The following KCNH4 variants were observed in gnomAD, a reference collection of about 807,000 sequenced individuals.
KCNH4 encodes potassium voltage-gated channel subfamily H member 4.
KCNH4 carries 33 observed loss-of-function variants against 90.7 expected under a neutral mutation model. That is an observed-to-expected ratio of 0.36 (90% CI 0.28 to 0.49). The LOEUF is 0.49. Among genes scored for constraint, KCNH4 ranks in the 20% least tolerant of loss-of-function variants. The probability of loss-of-function intolerance (pLI) is 0.98; values close to 1 mark genes in which losing one functional copy is unlikely to be tolerated. For synonymous variants in KCNH4, 551 were observed against 581.7 expected, an observed-to-expected ratio of 0.95 and a Z score of 0.76; for missense variants, 1,044 against 1,387.1, an observed-to-expected ratio of 0.75 and a Z score of 3.93.
At chr17:42,170,524 C>T (rs1448755014) in intron 7 of KCNH4, among the ~76,000 whole-genome samples, 2 of 152,222 alleles carry the variant, frequency 1.3e-5, no homozygotes, top group Non-Finnish European at 2.9e-5. Flanking sequence ...GCTCCTGAAA[C>T]TTTCTAATAG....
At chr17:42,172,536 A>AACACACACACACAC (rs55671197) in intron 6 of KCNH4, among the ~76,000 whole-genome samples, 2 of 136,740 alleles carry the variant, frequency 1.5e-5, no homozygotes, top group East Asian at 4.4e-4. Context: ...CTTATTTAAC[A>AACACACACACACAC]ACACACACAC....
chr17:42,176,371 G>A (rs1943762325), intron 4 of KCNH4, 74 bp from the exon 5 acceptor site: 1 of 1,419,108 alleles, frequency 7.0e-7, no homozygotes, highest in Non-Finnish European at 9.7e-7. Flanking sequence ...GAAAGGCAGG[G>A]GATGGGGAAA....
At chr17:42,176,664 G>A (rs975824796) in intron 4 of KCNH4, among the ~76,000 whole-genome samples, 8 of 149,562 alleles carry the variant, frequency 5.3e-5, no homozygotes, top group Middle Eastern at 3.5e-3. Flanking sequence ...CTGGGACTAC[G>A]GGAACATGCC....
chr17:42,172,060 C>T (rs1297594838), intron 6 of KCNH4, 65 bp from the exon 7 acceptor site: 9 of 1,374,230 alleles, frequency 6.5e-6, no homozygotes, highest in Non-Finnish European at 8.1e-6. Context: ...AGAGTCCCCT[C>T]CCAGGGCCTT....
intron 2 of KCNH4, 106 bp downstream of exon 2, chr17:42,178,686 GC>G (rs2079880129): frequency 8.5e-7 from 1 of 1,176,412 alleles, no homozygotes; most frequent in African/African-American, 1.5e-5. Context: ...GTCACAGTCA[GC>G]TTTTGGCAGT....
chr17:42,164,311 C>G, intron 11 of KCNH4, 143 bp from the exon 12 acceptor site: 2 of 696,710 alleles, frequency 2.9e-6, no homozygotes, highest in Non-Finnish European at 4.7e-6. Flanking sequence ...AACCCTAACT[C>G]AAACAAACAC....
chr17:42,174,835 C>A (rs1418252671), intron 6 of KCNH4, among the ~76,000 whole-genome samples: 4 of 152,130 alleles, frequency 2.6e-5, no homozygotes, highest in African/African-American at 9.7e-5. Flanking sequence ...TCTGAATTCA[C>A]CCCACAGCCT....
rs2079894903 is a variant in KCNH4 at position 42,180,631 on chromosome 17, C to A, written c.76+239G>T. Among the ~76,000 whole-genome samples the A allele has an allele frequency of 6.6e-6, 1 of 152,038 alleles. No homozygotes were observed. The highest frequency in any genetic ancestry group is 1.5e-5 in the Non-Finnish European group (1 of 68,000). On this transcript the variant is annotated intron_variant, in intron 1 of 16. Transcript: ENST00000264661. The surrounding 1 kb of genome is among the most constrained non-coding windows in gnomAD (Gnocchi z 4.7). ...TCCTCCGCTCTGCCGCACAAAGAGCCTCTTCTGCCTCGAGTCACACCCCCT... is the reference window on the plus strand; with the variant it reads ...TCCTCCGCTCTGCCGCACAAAGAGCATCTTCTGCCTCGAGTCACACCCCCT...
intron 6 of KCNH4, among the ~76,000 whole-genome samples, chr17:42,173,684 G>A (rs553187685): frequency 1.7e-4 from 23 of 136,700 alleles, no homozygotes; most frequent in Non-Finnish European, 2.6e-4. Context: ...GAAGTTTAGC[G>A]ATCTGGTTCT....
intron 2 of KCNH4, 59 bp downstream of exon 2, chr17:42,178,734 G>T: frequency 6.9e-7 from 1 of 1,443,000 alleles, no homozygotes; most frequent in Non-Finnish European, 9.6e-7. Flanking sequence ...TGTGCCCAGT[G>T]CCCTCTGGAT....
intron 15 of KCNH4, among the ~76,000 whole-genome samples, chr17:42,161,557 G>A (rs1293194854): frequency 2.0e-5 from 3 of 152,216 alleles, no homozygotes; most frequent in South Asian, 2.1e-4. Flanking sequence ...GGTCCCCCAG[G>A]CCTGAAGGCC....
In KCNH4 at chr17:42,178,346, C is replaced by T. The variant is rs373776454; in HGVS notation, c.442G>A (p.Gly148Arg). 1.1e-5 allele frequency: 17 copies of T among 1,614,116 alleles called. No homozygotes were observed. Among genetic ancestry groups the T allele is most frequent in the African/African-American group, 6.7e-5 (5 of 74,940 alleles). Residue 148 changes from glycine to arginine, a missense_variant, in exon 3 of 17, where the codon GGG becomes AGG. By Grantham distance (125) the Gly-to-Arg change is moderately radical. Coordinates refer to ENST00000264661, the MANE Select transcript of KCNH4 (RefSeq NM_012285.3). The stretch of plus-strand genomic sequence containing the variant: ...TTGCTGTTACCGTGATTACTGTCCC[C>T]GCGGCCTCCTTGGGGGCCAAGTCCT... The part of the protein sequence containing the change: ...SPGLGPQGGR[G>R]DSNHENSLGR...
At chr17:42,173,879 T>C (rs2079844881) in intron 6 of KCNH4, among the ~76,000 whole-genome samples, 1 of 151,708 alleles carries the variant, frequency 6.6e-6, no homozygotes, top group Non-Finnish European at 1.5e-5. Flanking sequence ...TTTTTTTGTA[T>C]TTTTAGTAGA....
intron 16 of KCNH4, among the ~76,000 whole-genome samples, chr17:42,158,041 G>C (rs2079720615): frequency 6.6e-6 from 1 of 151,962 alleles, no homozygotes; most frequent in African/African-American, 2.4e-5. Context: ...CGATTCTCCT[G>C]CCTCAGCCTC....
intron 12 of KCNH4, 66 bp from the exon 13 acceptor site, chr17:42,164,024 G>A (rs1287813532): frequency 6.7e-7 from 1 of 1,500,346 alleles, no homozygotes; most frequent in Non-Finnish European, 9.0e-7. Flanking sequence ...TTAAGTAAGA[G>A]CCTTCGCCGG....
In KCNH4 at chr17:42,163,136, TG is replaced by T; in HGVS notation, c.2584+91del. 2.3e-6 allele frequency: 2 copies of T among 879,052 alleles called. No homozygotes were observed. The highest frequency in any genetic ancestry group is 3.8e-6 in the Non-Finnish European group (2 of 523,714). The allele number at this position is 879,052 out of a possible 1,614,324, so 54.5% of individuals were successfully genotyped here. A position where few individuals can be genotyped will look rare whatever the true frequency, so the allele number is the denominator to read the frequency against. On this transcript the variant is annotated intron_variant, in intron 14 of 16. Transcript: ENST00000264661. This position sits in a 1 kb window ranked among gnomAD's most constrained non-coding sequence, Gnocchi z 5.4. ...ATCTGTGTATTCCCAGGATGGCACC[TG>T]GCACATGGTAGGCCCCTACTACATA...
intron 8 of KCNH4, 64 bp downstream of exon 8, chr17:42,170,043 T>G (rs867338755): frequency 8.8e-6 from 13 of 1,485,266 alleles, no homozygotes; most frequent in Middle Eastern, 4.1e-4. Flanking sequence ...TCTCTGGGCC[T>G]CAGTTTCCCC....
At chr17:42,158,479 C>T (rs1216818448) in intron 16 of KCNH4, among the ~76,000 whole-genome samples, 84 of 124,628 alleles carry the variant, frequency 6.7e-4, no homozygotes, top group Middle Eastern at 6.5e-3. Context: ...TGCAGTGAGC[C>T]GAGATTGCAC....
chr17:42,180,835 C>T lies in KCNH4; in HGVS notation c.76+35G>A. The T allele has an allele frequency of 6.2e-7, 1 of 1,605,862 alleles. No homozygotes were observed. The highest frequency in any genetic ancestry group is 1.1e-5 in the South Asian group (1 of 90,912). On this transcript the variant is annotated intron_variant, in intron 1 of 16. Coordinates refer to ENST00000264661, the MANE Select transcript of KCNH4 (RefSeq NM_012285.3). This position sits in a 1 kb window ranked among gnomAD's most constrained non-coding sequence, Gnocchi z 4.7. ...GGCCCCGAGGATACTTGCCCCCCAG[C>T]TCGAACCTCAAGCCCCGACCTCCGT... is the stretch of plus-strand genomic sequence containing the variant.
Sources: allele counts gnomAD v4.1 joint callset (sites outside exome capture counted in the v4.1 genomes callset), GRCh38; gene constraint gnomAD v4.1.1; non-coding constraint Gnocchi (gnomAD v3.1); transcripts MANE v1.5; gene names NCBI Gene and HGNC (gene_info 2026-07-23, HGNC 2026-07-21).